Variants in TMEM132C observed in about 807,000 individuals in gnomAD.
TMEM132C encodes transmembrane protein 132C.
A neutral mutation model predicts 61.4 loss-of-function variants in TMEM132C; 29 were observed. The ratio of observed to expected loss-of-function variants is 0.47; its 90% CI spans 0.35 to 0.64. The LOEUF (loss-of-function observed/expected upper bound fraction) is 0.64. Among genes scored for constraint, TMEM132C ranks in the 30% least tolerant of loss-of-function variants. The pLI is 0.00. For synonymous variants in TMEM132C, 656 were observed against 633.1 expected (o/e 1.04, Z -0.54); for missense variants, 1,408 against 1,476.9 (o/e 0.95, Z 0.76).
chr12:128,519,865 G>T (rs890959398), intron 2 of TMEM132C, among the ~76,000 whole-genome samples: 1 of 152,198 alleles, frequency 6.6e-6, no homozygotes, highest in African/African-American at 2.4e-5. Flanking sequence ...CTCCGATGTT[G>T]CCTGTGCGGC....
intron 3 of TMEM132C, among the ~76,000 whole-genome samples, chr12:128,598,368 G>A (rs888870609): frequency 3.3e-5 from 5 of 152,078 alleles, no homozygotes; most frequent in African/African-American, 4.8e-5. Context: ...CCTGGGAGGC[G>A]GAGATTGCAG....
chr12:128,303,755 C>G (rs1467427678), intron 1 of TMEM132C, among the ~76,000 whole-genome samples: 1 of 152,122 alleles, frequency 6.6e-6, no homozygotes, highest in African/African-American at 2.4e-5. Context: ...TTTTCTACCT[C>G]TTGCATGCAG....
At chr12:128,405,196 C>CAATG (rs1217166553) in intron 1 of TMEM132C, among the ~76,000 whole-genome samples, 1 of 152,098 alleles carries the variant, frequency 6.6e-6, no homozygotes, top group African/African-American at 2.4e-5. Context: ...GCCATGGCAG[C>CAATG]CCTGGAATTG....
chr12:128,659,086 GGATCAGCAAAGTTTTTCC>G (rs1432105599), intron 4 of TMEM132C, among the ~76,000 whole-genome samples: 1 of 152,188 alleles, frequency 6.6e-6, no homozygotes, highest in African/African-American at 2.4e-5. Flanking sequence ...TCTTGTTCAG[GGATCAGCAAAGTTTTTCC>G]ATAAAGGGCT....
At chr12:128,345,758 GTTGT>G (rs1272800303) in intron 1 of TMEM132C, among the ~76,000 whole-genome samples, 1 of 151,916 alleles carries the variant, frequency 6.6e-6, no homozygotes, top group Non-Finnish European at 1.5e-5. Context: ...TTTTAATGGG[GTTGT>G]TTGTTTTTTT....
intron 4 of TMEM132C, among the ~76,000 whole-genome samples, chr12:128,665,539 A>G (rs982325885): frequency 2.1e-5 from 3 of 145,236 alleles, no homozygotes; most frequent in Non-Finnish European, 4.6e-5. Context: ...ACACAAATGC[A>G]GGCGCAAAAA....
intron 4 of TMEM132C, among the ~76,000 whole-genome samples, chr12:128,665,932 CTCATACACAAACACAG>C (rs1954462831): frequency 6.8e-6 from 1 of 146,674 alleles, no homozygotes. Context: ...TTCACAGGGA[CTCATACACAAACACAG>C]GCACACACAC....
intron 2 of TMEM132C, among the ~76,000 whole-genome samples, chr12:128,425,705 A>T (rs10744376): frequency 6.6e-6 from 1 of 152,142 alleles, no homozygotes; most frequent in Admixed American, 6.5e-5. Context: ...TGCCTTCGCC[A>T]GCTGTCCTCG....
chr12:128,583,883 G>A (rs1875441514), intron 3 of TMEM132C, among the ~76,000 whole-genome samples: 1 of 152,222 alleles, frequency 6.6e-6, no homozygotes, highest in Admixed American at 6.5e-5. Context: ...AGCTGAATGA[G>A]GAGTCTTCCC....
chr12:128,697,555 A>G (rs1954775423), intron 8 of TMEM132C, 140 bp downstream of exon 8: 1 of 902,754 alleles, frequency 1.1e-6, no homozygotes, highest in Admixed American at 3.0e-5. Flanking sequence ...CATTGCAGAC[A>G]AAGTGCTCAT....
Position 128,300,431 on chromosome 12 carries a change from G to A in TMEM132C, c.85+32944G>A, listed in dbSNP as rs866898177. Reference sequence around the variant, plus strand: ...GCATTATGATGGGAGAGAGAAAGGGGTCTCTTCCGTGTGTCCTTGTGCTTC... The same window carrying A: ...GCATTATGATGGGAGAGAGAAAGGGATCTCTTCCGTGTGTCCTTGTGCTTC... On this transcript the variant is annotated intron_variant, in intron 1 of 8. Transcript: ENST00000435159. Among the ~76,000 whole-genome samples, 4 of 152,220 alleles carry A rather than the reference G, an allele frequency of 2.6e-5. 1 individual carries two copies. Among genetic ancestry groups the A allele is most frequent in the African/African-American group, 2.4e-5 (1 of 41,542 alleles).
intron 4 of TMEM132C, among the ~76,000 whole-genome samples, chr12:128,619,897 T>G (rs1271578187): frequency 1.3e-5 from 2 of 152,174 alleles, no homozygotes; most frequent in African/African-American, 2.4e-5. Context: ...AGTGATAGTT[T>G]CTGTATGCGA....
At position 128,666,059 on chromosome 12, in the gene TMEM132C, ACT is replaced by A. The variant is rs1257210125; in HGVS notation, c.1306-3356_1306-3355del. Among the ~76,000 whole-genome samples the A allele has an allele frequency of 1.0e-4, 13 of 129,140 alleles. 1 individual carries two copies. The highest frequency in any genetic ancestry group is 4.5e-4 in the African/African-American group (12 of 26,514). The allele number at this position is 129,140 out of a possible 152,430, so 84.7% of individuals were successfully genotyped here. ...CAGGCACTCATACACAAACACAGGC[ACT>A]CATACACAAACACACAGGCACACAC... is the stretch of plus-strand genomic sequence containing the variant. On this transcript the variant is annotated intron_variant, in intron 4 of 8. Coordinates refer to ENST00000435159, the MANE Select transcript of TMEM132C (RefSeq NM_001136103.3).
intron 4 of TMEM132C, among the ~76,000 whole-genome samples, chr12:128,618,171 C>T (rs6486708): frequency 0.051 from 7,737 of 152,120 alleles, 666 homozygotes; most frequent in African/African-American, 0.18. Flanking sequence ...TCAGTTTCGA[C>T]CTATTTCAGA....
At chr12:128,633,132 G>A (rs1328344934) in intron 4 of TMEM132C, among the ~76,000 whole-genome samples, 6 of 152,128 alleles carry the variant, frequency 3.9e-5, no homozygotes, top group Admixed American at 3.3e-4. Context: ...TATTCAAGGT[G>A]GTCTCCTCAC....
chr12:128,587,745 G>T (rs1040709944), intron 3 of TMEM132C, among the ~76,000 whole-genome samples: 1 of 152,148 alleles, frequency 6.6e-6, no homozygotes, highest in Non-Finnish European at 1.5e-5. Flanking sequence ...TTTTATATTG[G>T]CAAGGGAATC....
intron 4 of TMEM132C, among the ~76,000 whole-genome samples, chr12:128,621,707 G>A (rs1048908832): frequency 2.0e-5 from 3 of 152,206 alleles, no homozygotes; most frequent in African/African-American, 4.8e-5. Context: ...TCTTGCGGGC[G>A]TGTGGTCCTC....
At chr12:128,613,019 A>G (rs1016536065) in intron 3 of TMEM132C, among the ~76,000 whole-genome samples, 6 of 152,180 alleles carry the variant, frequency 3.9e-5, no homozygotes, top group Admixed American at 3.3e-4. Context: ...AGTGGTTGCA[A>G]TGCTCACAGA....
intron 3 of TMEM132C, among the ~76,000 whole-genome samples, chr12:128,578,653 G>A (rs375076155): frequency 3.6e-4 from 54 of 152,102 alleles, no homozygotes; most frequent in East Asian, 1.4e-3. Context: ...ACTGGAGTGC[G>A]GTGGCATGAT....
Sources: gnomAD v4.1 joint callset for allele counts (sites outside exome capture counted in the v4.1 genomes callset) on GRCh38, gnomAD v4.1.1 for gene constraint, MANE v1.5 for transcripts, NCBI Gene and HGNC (gene_info 2026-07-23, HGNC 2026-07-21) for gene names.